Variants in PTPRN2 observed in about 807,000 individuals in gnomAD.
PTPRN2 encodes the protein protein tyrosine phosphatase receptor type N2.
In PTPRN2, 74 loss-of-function variants were observed where a neutral mutation model predicts 118.8. The observed-to-expected ratio is 0.62, with a 90% CI of 0.52 to 0.76. PTPRN2 has a LOEUF of 0.76. PTPRN2 is among the 30% of genes least tolerant of loss of function. The pLI is 0.00. For missense variants in PTPRN2, 1,481 were observed against 1,394.4 expected, an observed-to-expected ratio of 1.06 and a Z score of -0.99; for synonymous variants, 641 against 608.0, an observed-to-expected ratio of 1.05 and a Z score of -0.80.
At chr7:158,159,856 A>G (rs1294868471) in intron 6 of PTPRN2, among the ~76,000 whole-genome samples, 1 of 152,262 alleles carries the variant, frequency 6.6e-6, no homozygotes, top group East Asian at 1.9e-4. Flanking sequence ...TAAATATTAC[A>G]TGCTCATGGC....
chr7:158,566,759 A>G (rs1462030984), intron 1 of PTPRN2, among the ~76,000 whole-genome samples: 2 of 152,154 alleles, frequency 1.3e-5, no homozygotes, highest in Admixed American at 1.3e-4. Flanking sequence ...TCTGTCACCC[A>G]GGCTGGAGTG....
At chr7:158,060,501 G>C (rs976730226) in intron 11 of PTPRN2, among the ~76,000 whole-genome samples, 6 of 152,212 alleles carry the variant, frequency 3.9e-5, no homozygotes, top group African/African-American at 1.2e-4. Context: ...ACCTTCACGA[G>C]GTGATCCCCT....
intron 2 of PTPRN2, among the ~76,000 whole-genome samples, chr7:158,338,609 A>ACCTG (rs1806140209): frequency 4.8e-4 from 21 of 43,572 alleles, no homozygotes; most frequent in South Asian, 1.2e-3. Context: ...GCTGAGGCCC[A>ACCTG]CAGAGGACAC....
At chr7:158,265,336 G>T (rs2150942291) in intron 3 of PTPRN2, among the ~76,000 whole-genome samples, 1 of 152,022 alleles carries the variant, frequency 6.6e-6, no homozygotes, top group South Asian at 2.1e-4. Flanking sequence ...GGGCACACTT[G>T]TGGATGCACA....
At chr7:157,853,625 G>A (rs1809457966) in intron 12 of PTPRN2, among the ~76,000 whole-genome samples, 1 of 152,098 alleles carries the variant, frequency 6.6e-6, no homozygotes, top group Admixed American at 6.5e-5. Context: ...GCTCAGGAAG[G>A]GAACTGTCCG....
chr7:158,452,086 G>A (rs1042162726), intron 2 of PTPRN2, among the ~76,000 whole-genome samples: 3 of 152,024 alleles, frequency 2.0e-5, no homozygotes, highest in Non-Finnish European at 4.4e-5. Flanking sequence ...ACGCATTTGG[G>A]TCTATTTCTA....
chr7:158,071,400 G>C (rs1420619976), intron 11 of PTPRN2, among the ~76,000 whole-genome samples: 35 of 47,970 alleles, frequency 7.3e-4, no homozygotes, highest in South Asian at 2.3e-3. Flanking sequence ...GGAGGTGCTC[G>C]TGGTGGAGTT....
At chr7:157,988,109 C>G (rs76495500) in intron 11 of PTPRN2, among the ~76,000 whole-genome samples, 1 of 152,196 alleles carries the variant, frequency 6.6e-6, no homozygotes. Context: ...GGAGAAGCTG[C>G]GTTCCCTGCC....
At chr7:158,092,546 C>G (rs1418077686) in intron 10 of PTPRN2, among the ~76,000 whole-genome samples, 1 of 152,090 alleles carries the variant, frequency 6.6e-6, no homozygotes, top group Admixed American at 6.5e-5. Context: ...TCTCAAAATA[C>G]TGTTTATAGC....
At chr7:158,523,495 TCTGCCCTGGAGTGGAGTC>T (rs1365248787) in intron 1 of PTPRN2, among the ~76,000 whole-genome samples, 15 of 97,992 alleles carry the variant, frequency 1.5e-4, no homozygotes, top group African/African-American at 6.2e-4. Flanking sequence ...AGTGGAGTCG[TCTGCCCTGGAGTGGAGTC>T]GTCTGCCCTG....
intron 2 of PTPRN2, among the ~76,000 whole-genome samples, chr7:158,404,772 G>C (rs35954466): frequency 1.0e-5 from 1 of 97,038 alleles, no homozygotes; most frequent in South Asian, 4.0e-4. Flanking sequence ...TCAGCTCCCC[G>C]GCCCCCAGCT....
intron 5 of PTPRN2, among the ~76,000 whole-genome samples, chr7:158,178,940 G>T (rs908299085): frequency 1.3e-5 from 2 of 152,172 alleles, no homozygotes; most frequent in Non-Finnish European, 2.9e-5. Context: ...CCATATCTTT[G>T]CAATTGTGAA....
At chr7:158,418,235 T>A (rs7783218) in intron 2 of PTPRN2, among the ~76,000 whole-genome samples, 51,176 of 140,500 alleles carry the variant, frequency 0.36, 5,829 homozygotes, top group Non-Finnish European at 0.41. Flanking sequence ...ATGCTCTAGC[T>A]CTCAGTGTCC....
chr7:158,497,590 T>C (rs1275763757), intron 1 of PTPRN2, among the ~76,000 whole-genome samples: 3 of 152,188 alleles, frequency 2.0e-5, no homozygotes, highest in Non-Finnish European at 2.9e-5. Context: ...AACTTCAGCC[T>C]CAATGCCTCA....
chr7:158,484,365 C>T (rs1461536542), intron 2 of PTPRN2, among the ~76,000 whole-genome samples: 6 of 151,944 alleles, frequency 3.9e-5, no homozygotes, highest in Admixed American at 3.9e-4. Flanking sequence ...TATTTATTTA[C>T]TTATTTATTT....
At position 158,341,504 on chromosome 7, in the gene PTPRN2, A is replaced by T. The variant is rs1806778441; in HGVS notation, c.164-24572T>A. Among the ~76,000 whole-genome samples, 4 of 126,506 alleles carry T rather than the reference A, an allele frequency of 3.2e-5. 1 individual carries two copies. In the South Asian group the frequency reaches 1.0e-3, roughly 33 times the overall value. 83.0% of individuals were successfully genotyped at this position (126,506 alleles called of 152,430 possible). ...TCTCACCATAATTGGTGACACGTGCAGACGTCACTCACACCCACACTCTCA... is the reference window on the plus strand; with the variant it reads ...TCTCACCATAATTGGTGACACGTGCTGACGTCACTCACACCCACACTCTCA... On this transcript the variant is annotated intron_variant, in intron 2 of 22. Transcript: ENST00000389418.
At chr7:158,239,650 C>T (rs1795788669) in intron 3 of PTPRN2, among the ~76,000 whole-genome samples, 1 of 152,236 alleles carries the variant, frequency 6.6e-6, no homozygotes, top group Non-Finnish European at 1.5e-5. Context: ...AATGATGTCA[C>T]ACCACTTCAC....
intron 11 of PTPRN2, among the ~76,000 whole-genome samples, chr7:157,957,381 A>G (rs1801252416): frequency 6.6e-6 from 1 of 152,194 alleles, no homozygotes; most frequent in African/African-American, 2.4e-5. Context: ...GGGTACAGTA[A>G]GAGGATGAGA....
At chr7:158,578,717 C>A (rs890844988) in intron 1 of PTPRN2, among the ~76,000 whole-genome samples, 7 of 151,836 alleles carry the variant, frequency 4.6e-5, no homozygotes, top group Admixed American at 3.3e-4. Flanking sequence ...TTTAGGCATT[C>A]CCAGTGTCTA....
Sources: gnomAD v4.1 joint callset for allele counts (sites outside exome capture counted in the v4.1 genomes callset) on GRCh38, gnomAD v4.1.1 for gene constraint, MANE v1.5 for transcripts, NCBI Gene and HGNC (gene_info 2026-07-23, HGNC 2026-07-21) for gene names.